HDAC8: variants seen among roughly 807,000 people sequenced by gnomAD.
HDAC8 encodes the protein histone deacetylase 8.
A neutral mutation model predicts 32.2 loss-of-function variants in HDAC8; 1 was observed. The ratio of observed to expected loss-of-function variants is 0.03; its 90% CI spans 0.01 to 0.15. HDAC8 has a LOEUF of 0.15. Among genes scored for constraint, HDAC8 ranks in the 10% least tolerant of loss-of-function variants. The pLI is 1.00. For missense variants in HDAC8, 117 were observed against 300.0 expected (o/e 0.39, Z 4.51); for synonymous variants, 108 against 113.9 (o/e 0.95, Z 0.33).
chrX:72,389,653 C>T (rs1555963032), intron 9 of HDAC8, among the ~76,000 whole-genome samples: 5 of 111,978 alleles, frequency 4.5e-5, no homozygotes, highest in Non-Finnish European at 9.4e-5. Flanking sequence ...ATCAGAACCC[C>T]AAATTGTTTG....
At chrX:72,455,879 T>C (rs1462372340) in intron 9 of HDAC8, among the ~76,000 whole-genome samples, 1 of 112,372 alleles carries the variant, frequency 8.9e-6, no homozygotes, top group Non-Finnish European at 1.9e-5. Context: ...AGATGACCAA[T>C]GAGTTTTAAT....
At chrX:72,569,901 A>C (rs2051951233) in intron 2 of HDAC8, among the ~76,000 whole-genome samples, 1 of 112,440 alleles carries the variant, frequency 8.9e-6, no homozygotes, top group Non-Finnish European at 1.9e-5. Context: ...GTATTTTAAC[A>C]TGATGATTTT....
chrX:72,495,207 G>A lies in HDAC8; in HGVS notation c.499C>T (p.Arg167Trp), dbSNP rs782048506. The A allele has an allele frequency of 1.6e-5, 19 of 1,206,795 alleles. No homozygotes were observed. The highest frequency in any genetic ancestry group is 1.9e-5 in the Non-Finnish European group (17 of 893,028). The change falls in exon 5 of 11, where the codon CGG becomes TGG. Residue 167 changes from arginine (R) to tryptophan (W), a missense_variant. Coordinates refer to ENST00000373573, the MANE Select transcript of HDAC8 (RefSeq NM_018486.3). Reference protein sequence around the residue: ...DAVLGILRLRRKFERILYVDL... With the variant: ...DAVLGILRLRWKFERILYVDL... Reference sequence around the variant, plus strand: ...ACGTAGAGAATACGCTCAAATTTCCGTCGCAATCGTAATATTCCCAGGACA... The same window carrying A: ...ACGTAGAGAATACGCTCAAATTTCCATCGCAATCGTAATATTCCCAGGACA...
chrX:72,406,750 G>A (rs1017631671), intron 9 of HDAC8, among the ~76,000 whole-genome samples: 1 of 112,449 alleles, frequency 8.9e-6, no homozygotes, highest in African/African-American at 3.2e-5. Context: ...GTAACCACTA[G>A]TCACATGTGG....
chrX:72,493,117 A>G (rs2048918570), intron 5 of HDAC8, among the ~76,000 whole-genome samples: 1 of 111,439 alleles, frequency 9.0e-6, no homozygotes, highest in Non-Finnish European at 1.9e-5. Flanking sequence ...GACAGGTGAA[A>G]CAAAACTAAA....
chrX:72,366,651 T>G (rs923084980), intron 9 of HDAC8, among the ~76,000 whole-genome samples: 5 of 112,295 alleles, frequency 4.5e-5, no homozygotes, highest in African/African-American at 9.7e-5. Context: ...GCCTGGCACA[T>G]AGTAGGCGCT....
At chrX:72,533,817 T>C (rs1275339879) in intron 4 of HDAC8, among the ~76,000 whole-genome samples, 1 of 111,519 alleles carries the variant, frequency 9.0e-6, no homozygotes, top group African/African-American at 3.3e-5. Context: ...CCAACACCTT[T>C]TCACGATATA....
chrX:72,559,924 G>A (rs35496101), intron 4 of HDAC8, among the ~76,000 whole-genome samples: 4 of 106,393 alleles, frequency 3.8e-5, no homozygotes, highest in East Asian at 6.3e-4. Context: ...CCCGCCAGCC[G>A]CCCCGTCCAG....
intron 9 of HDAC8, among the ~76,000 whole-genome samples, chrX:72,440,276 T>G (rs1350576830): frequency 9.0e-6 from 1 of 111,575 alleles, no homozygotes; most frequent in Non-Finnish European, 1.9e-5. Context: ...TTGAAACCAA[T>G]GAGAACAAAG....
intron 10 of HDAC8, among the ~76,000 whole-genome samples, chrX:72,336,999 C>T (rs1462981939): frequency 8.9e-6 from 1 of 111,964 alleles, no homozygotes; most frequent in Non-Finnish European, 1.9e-5. Flanking sequence ...ATCTGCCCAC[C>T]TTGGCCTCCC....
chrX:72,366,659 G>A (rs985986560), intron 9 of HDAC8, among the ~76,000 whole-genome samples: 6 of 112,141 alleles, frequency 5.4e-5, no homozygotes, highest in South Asian at 3.7e-4. Context: ...CATAGTAGGC[G>A]CTCCATACAT....
At chrX:72,524,919 A>G (rs1431425688) in intron 4 of HDAC8, among the ~76,000 whole-genome samples, 1 of 111,395 alleles carries the variant, frequency 9.0e-6, no homozygotes, top group African/African-American at 3.3e-5. Context: ...ACCAGCCCCC[A>G]ACCTTTTTGG....
At chrX:72,547,022 T>A (rs1188389849) in intron 4 of HDAC8, among the ~76,000 whole-genome samples, 2 of 111,283 alleles carry the variant, frequency 1.8e-5, no homozygotes, top group Non-Finnish European at 3.8e-5. Flanking sequence ...TACTTTCCCT[T>A]GACCACACCC....
chrX:72,485,598 G>A (rs1233828353), intron 7 of HDAC8, among the ~76,000 whole-genome samples: 1 of 109,946 alleles, frequency 9.1e-6, no homozygotes, highest in Non-Finnish European at 1.9e-5. Context: ...GGAAGAAAAG[G>A]AAGGAAAAGG....
intron 4 of HDAC8, among the ~76,000 whole-genome samples, chrX:72,532,278 G>GTTTTTT (rs1556036449): frequency 2.9e-5 from 1 of 34,864 alleles, no homozygotes; most frequent in Non-Finnish European, 5.7e-5. Context: ...TTTTTTTGTA[G>GTTTTTT]AAACAGGTTC....
chrX:72,504,787 G>A (rs1471130277), intron 4 of HDAC8, among the ~76,000 whole-genome samples: 4 of 111,759 alleles, frequency 3.6e-5, no homozygotes, highest in East Asian at 2.8e-4. Flanking sequence ...TGTTTTTCAC[G>A]GTAGTTGCAC....
At chrX:72,478,933 C>T (rs1307633099) in intron 7 of HDAC8, among the ~76,000 whole-genome samples, 2 of 110,872 alleles carry the variant, frequency 1.8e-5, no homozygotes, top group African/African-American at 3.3e-5. Context: ...CTGGGATTAC[C>T]GGTGTGAGCC....
chrX:72,492,379 C>G lies in HDAC8; in HGVS notation c.551-1373G>C, dbSNP rs191855310. On this transcript the variant is annotated intron_variant, in intron 5 of 10. Transcript: ENST00000373573. ...GTATTTCTTCTCATGGGAAATACCACTAGGCACAGTTATAAAATCATATTT... is the reference window on the plus strand; with the variant it reads ...GTATTTCTTCTCATGGGAAATACCAGTAGGCACAGTTATAAAATCATATTT... Among the ~76,000 whole-genome samples, 476 of 111,398 alleles carry G rather than the reference C, an allele frequency of 4.3e-3. 4 individuals are homozygous for G. Among genetic ancestry groups the G allele is most frequent in the African/African-American group, 0.015 (454 of 30,707 alleles).
chrX:72,342,245 C>T (rs1602525112), intron 10 of HDAC8, among the ~76,000 whole-genome samples: 1 of 112,648 alleles, frequency 8.9e-6, no homozygotes, highest in South Asian at 3.6e-4. Context: ...CTTCATGACC[C>T]GACCATGGCT....
Sources: allele counts gnomAD v4.1 joint callset (sites outside exome capture counted in the v4.1 genomes callset), GRCh38; gene constraint gnomAD v4.1.1; transcripts MANE v1.5; gene names NCBI Gene and HGNC (gene_info 2026-07-23, HGNC 2026-07-21).